TRNT1: variants seen among roughly 807,000 people sequenced by gnomAD.
TRNT1 encodes the protein tRNA nucleotidyl transferase 1.
A neutral mutation model predicts 45.6 loss-of-function variants in TRNT1; 44 were observed. The observed-to-expected ratio is 0.97, with a 90% CI of 0.76 to 1.24. The LOEUF is 1.24. Among genes scored for constraint, TRNT1 ranks in the 50% most tolerant of loss-of-function variants. The probability of loss-of-function intolerance (pLI) is 0.00; values close to 1 mark genes in which losing one functional copy is unlikely to be tolerated. For synonymous variants in TRNT1, 201 were observed against 171.4 expected (o/e 1.17, Z -1.35); for missense variants, 633 against 504.4 (o/e 1.25, Z -2.44).
downstream of TRNT1, chr3:3,151,151 A>T: frequency 8.6e-7 from 1 of 1,163,468 alleles, no homozygotes; most frequent in Non-Finnish European, 1.2e-6. Context: ...TCTAAGGATT[A>T]GAGATTCTAA....
intron 2 of TRNT1, chr3:3,136,629 G>T (rs1230433722): frequency 7.0e-6 from 3 of 431,486 alleles, no homozygotes; most frequent in Non-Finnish European, 1.4e-5. Context: ...AAAGAAAGCA[G>T]AATTGTTTGA....
chr3:3,151,110 C>T (rs963229492), downstream of TRNT1: 13 of 1,554,302 alleles, frequency 8.4e-6, no homozygotes, highest in African/African-American at 1.5e-4. Context: ...ATCATATAAA[C>T]CTATCATGAA....
chr3:3,152,435 C>G (rs553862033), downstream of TRNT1: 20 of 1,589,298 alleles, frequency 1.3e-5, no homozygotes, highest in Non-Finnish European at 1.7e-5. Context: ...AAAAAAAAAG[C>G]AACCACCACC....
intron 4 of TRNT1, 81 bp from the exon 5 acceptor site, chr3:3,144,503 A>G: frequency 7.5e-7 from 1 of 1,341,760 alleles, no homozygotes; most frequent in Non-Finnish European, 1.0e-6. Context: ...ACTGTTTGTG[A>G]TAGTGTTTAG....
intron 5 of TRNT1, 108 bp from the exon 6 acceptor site, chr3:3,146,322 G>A (rs552442255): frequency 4.1e-4 from 313 of 758,680 alleles, no homozygotes; most frequent in Admixed American, 1.4e-3. Flanking sequence ...ATTATATGTT[G>A]TTTTCATTAA....
chr3:3,141,851 C>A (rs915700252), intron 4 of TRNT1, among the ~76,000 whole-genome samples: 1 of 152,170 alleles, frequency 6.6e-6, no homozygotes, highest in African/African-American at 2.4e-5. Context: ...ATGACAGATA[C>A]AATTTCTAGG....
downstream of TRNT1, among the ~76,000 whole-genome samples, chr3:3,151,718 C>T (rs534310230): frequency 1.3e-5 from 2 of 152,242 alleles, no homozygotes; most frequent in South Asian, 2.1e-4. Flanking sequence ...TAGTCCTAAC[C>T]CCAGAGTAGC....
chr3:3,145,745 AGTCT>A (rs1334708775), intron 5 of TRNT1: 2 of 152,250 alleles, frequency 1.3e-5, no homozygotes, highest in East Asian at 3.9e-4. Flanking sequence ...GAGTATTTGT[AGTCT>A]GTCTTATAAA....
chr3:3,150,585 G>T, downstream of TRNT1: 1 of 295,130 alleles, frequency 3.4e-6, no homozygotes, highest in South Asian at 4.1e-5. Flanking sequence ...TCCCATCAAT[G>T]ACATGCTACC....
chr3:3,137,923 T>C (rs1037173626), intron 3 of TRNT1, among the ~76,000 whole-genome samples: 4 of 152,254 alleles, frequency 2.6e-5, no homozygotes, highest in Non-Finnish European at 4.4e-5. Context: ...TGGCATGTTT[T>C]TAAATTTTCC....
Position 3,148,804 on chromosome 3 carries a change from T to TATTAATTAATTAATTATTGTTTTTA in TRNT1, c.*662_*663insATTATTGTTTTTAATTAATTAATTA, listed in dbSNP as rs55994366. 1 of 150,282 alleles carries TATTAATTAATTAATTATTGTTTTTA rather than the reference T, an allele frequency of 6.7e-6. No homozygotes were observed. The highest frequency in any genetic ancestry group is 1.5e-5 in the Non-Finnish European group (1 of 67,298). The allele number at this position is 150,282 out of a possible 1,614,324, so 9.3% of individuals were successfully genotyped here. A position where few individuals can be genotyped will look rare whatever the true frequency, so the allele number is the denominator to read the frequency against. On this transcript the variant is annotated 3_prime_UTR_variant, in exon 8 of 8. Transcript: ENST00000251607. ...TTAACTTGAGGGTCACTATTGAGCC[T>TATTAATTAATTAATTATTGTTTTTA]ATTAATTAATTATTGTTTTAATAAA...
intron 1 of TRNT1, chr3:3,127,880 A>G (rs760375896): frequency 6.6e-6 from 1 of 152,184 alleles, no homozygotes; most frequent in African/African-American, 2.4e-5. Context: ...TGGGCTGCTT[A>G]TTCTCGCTGC....
At chr3:3,129,803 A>G (rs1185423845) in intron 2 of TRNT1, 2 of 1,414,142 alleles carry the variant, frequency 1.4e-6, no homozygotes, top group Non-Finnish European at 2.0e-6. Flanking sequence ...ATTGTTAGGC[A>G]TGTGAAGTGC....
chr3:3,151,827 G>GCAAA (rs10659250), downstream of TRNT1, among the ~76,000 whole-genome samples: 18 of 147,694 alleles, frequency 1.2e-4, no homozygotes, highest in South Asian at 4.3e-4. Context: ...TTAAGCTGAA[G>GCAAA]CAAACAAACA....
intron 4 of TRNT1, among the ~76,000 whole-genome samples, chr3:3,142,508 T>A (rs1428643178): frequency 6.6e-6 from 1 of 152,204 alleles, no homozygotes; most frequent in Non-Finnish European, 1.5e-5. Context: ...TCAACCATAT[T>A]TCATATTTTT....
chr3:3,152,089 A>AAGAT (rs375379906), downstream of TRNT1, among the ~76,000 whole-genome samples: 207 of 152,312 alleles, frequency 1.4e-3, 2 homozygotes, highest in Middle Eastern at 6.8e-3. Flanking sequence ...TCAATGATAA[A>AAGAT]AGATACAAAA....
At chr3:3,144,931 T>C in intron 5 of TRNT1, 1 of 270,176 alleles carries the variant, frequency 3.7e-6, no homozygotes. Flanking sequence ...ATGTCATCTT[T>C]CCTACAATTT....
intron 2 of TRNT1, among the ~76,000 whole-genome samples, chr3:3,135,826 G>T (rs1559219100): frequency 6.6e-6 from 1 of 152,166 alleles, no homozygotes; most frequent in Non-Finnish European, 1.5e-5. Flanking sequence ...AAGTTGGGTT[G>T]TTACTCCTGG....
intron 3 of TRNT1, 88 bp downstream of exon 3, chr3:3,137,541 A>C: frequency 8.6e-7 from 1 of 1,165,232 alleles, no homozygotes; most frequent in Non-Finnish European, 1.2e-6. Context: ...AAATAACGAA[A>C]AGTCTAATAA....
Sources: gnomAD v4.1 joint callset for allele counts (sites outside exome capture counted in the v4.1 genomes callset) on GRCh38, gnomAD v4.1.1 for gene constraint, MANE v1.5 for transcripts, NCBI Gene and HGNC (gene_info 2026-07-23, HGNC 2026-07-21) for gene names.